NAAA: variants seen among roughly 807,000 people sequenced by gnomAD.
NAAA encodes N-acylethanolamine-hydrolyzing acid amidase.
In NAAA, 39 loss-of-function variants were observed where a neutral mutation model predicts 44.8. That is an observed-to-expected ratio of 0.87 (90% CI 0.67 to 1.14). The LOEUF (loss-of-function observed/expected upper bound fraction) is 1.14, where lower values mean the gene tolerates loss of function less well. Ranked by LOEUF, NAAA falls within the 50% of genes most tolerant of loss-of-function variation. The pLI is 0.00. For synonymous variants in NAAA, 178 were observed against 191.3 expected, an observed-to-expected ratio of 0.93 and a Z score of 0.58; for missense variants, 460 against 467.8, an observed-to-expected ratio of 0.98 and a Z score of 0.15.
At chr4:75,928,146 A>G (rs1235554594) in intron 4 of NAAA, among the ~76,000 whole-genome samples, 1 of 152,170 alleles carries the variant, frequency 6.6e-6, no homozygotes, top group Non-Finnish European at 1.5e-5. Flanking sequence ...CTTTTTCCTC[A>G]GTGCATAGCA....
Position 75,940,766 on chromosome 4 carries a change from C to G in NAAA, c.184G>C (p.Ala62Pro), listed in dbSNP as rs1427732165. 3 of 1,597,704 alleles carry G rather than the reference C, an allele frequency of 1.9e-6. No individual in the cohort carries two copies. Among genetic ancestry groups the G allele is most frequent in the Middle Eastern group, 3.3e-4 (2 of 6,034 alleles). ...LRHYDLDLVR[A>P]AMAQVIGDRV... ...CACCCGATGACTTGCGCCATCGCGG[C>G]GCGCACCAAGTCCAAGTCGTAGTGC... The change falls in exon 1 of 11, where the codon GCC (alanine) becomes CCC (proline). Residue 62 changes from alanine to proline, a missense_variant. Physicochemically the swap from Ala to Pro is conservative, Grantham distance 27. Transcript: ENST00000286733.
intron 7 of NAAA, among the ~76,000 whole-genome samples, 188 bp downstream of exon 7, chr4:75,920,550 G>T (rs916775613): frequency 1.3e-5 from 2 of 152,114 alleles, no homozygotes; most frequent in East Asian, 3.9e-4. Flanking sequence ...CCCAGCTGCT[G>T]AGAGGCTCTG....
At chr4:75,929,040 C>A (rs1442904381) in intron 4 of NAAA, among the ~76,000 whole-genome samples, 1 of 152,060 alleles carries the variant, frequency 6.6e-6, no homozygotes. Flanking sequence ...GATCCACCCG[C>A]CTCGGCCTCC....
intron 4 of NAAA, 63 bp downstream of exon 4, chr4:75,931,151 A>T: frequency 7.6e-7 from 1 of 1,321,804 alleles, no homozygotes; most frequent in Non-Finnish European, 1.1e-6. Context: ...TGAGTGAAGG[A>T]AGTGCTTGGA....
chr4:75,931,276 C>T lies in NAAA; in HGVS notation c.527G>A (p.Gly176Asp). ...CTGGCCAGTCCATAATCCTACATAG[C>T]CAATAAAAGTAGTTCCTGTGAATGC... ...QIAFTGTTFI[G>D]YVGLWTGQSP... Residue 176 changes from glycine to aspartate, a missense_variant, in exon 4 of 11, where the codon GGC becomes GAC. Coordinates refer to ENST00000286733, the MANE Select transcript of NAAA (RefSeq NM_014435.4). 1.2e-6 allele frequency: 2 copies of T among 1,611,448 alleles called. No individual in the cohort carries two copies. The highest frequency in any genetic ancestry group is 1.7e-5 in the Admixed American group (1 of 59,972).
At chr4:75,937,346 G>A (rs1172541120) in intron 2 of NAAA, among the ~76,000 whole-genome samples, 1 of 152,214 alleles carries the variant, frequency 6.6e-6, no homozygotes, top group Non-Finnish European at 1.5e-5. Flanking sequence ...TTGAACCAGG[G>A]AGGCGGAGGT....
intron 9 of NAAA, 142 bp downstream of exon 9, chr4:75,918,619 G>T: frequency 1.1e-5 from 8 of 740,306 alleles, no homozygotes; most frequent in Non-Finnish European, 1.4e-5. Context: ...GCTCGCAGCT[G>T]TACCCACAGG....
intron 4 of NAAA, chr4:75,930,556 C>A: frequency 4.0e-6 from 2 of 498,438 alleles, no homozygotes; most frequent in Non-Finnish European, 7.9e-6. Flanking sequence ...ATAACAGCAT[C>A]ATATATCCCC....
downstream of NAAA, chr4:75,913,638 G>C: frequency 2.1e-6 from 2 of 966,056 alleles, no homozygotes; most frequent in Non-Finnish European, 2.5e-6. Flanking sequence ...GGTAAAGAAA[G>C]CAGGGAGAGC....
rs376585993 is a variant in NAAA, at chr4:75,913,718, A to T, written c.*657T>A. ...ATTTCTTTTGACATTTTATTACTTA[A>T]TTATGTGACATTAAGAAATAATTTG... On this transcript the variant is annotated 3_prime_UTR_variant, in exon 11 of 11. Coordinates refer to ENST00000286733, the MANE Select transcript of NAAA (RefSeq NM_014435.4). 9 of 980,960 alleles carry T rather than the reference A, an allele frequency of 9.2e-6. No individual in the cohort carries two copies. In the African/African-American group the frequency reaches 1.2e-4, roughly 13 times the overall value. The allele number at this position is 980,960 out of a possible 1,614,324, so 60.8% of individuals were successfully genotyped here.
downstream of NAAA, among the ~76,000 whole-genome samples, chr4:75,912,554 GAAAAAAAA>G (rs34332139): frequency 8.8e-6 from 1 of 113,134 alleles, no homozygotes; most frequent in Non-Finnish European, 1.8e-5. Context: ...ACTCTGTCTG[GAAAAAAAA>G]AAAAAAAAAG....
intron 9 of NAAA, chr4:75,916,544 A>C (rs188235008): frequency 1.8e-3 from 273 of 152,294 alleles, no homozygotes; most frequent in African/African-American, 6.2e-3. Flanking sequence ...AGCCAAGGGA[A>C]ATAATCTGAA....
At chr4:75,918,269 C>T (rs924149554) in intron 9 of NAAA, among the ~76,000 whole-genome samples, 13 of 152,096 alleles carry the variant, frequency 8.5e-5, no homozygotes, top group Non-Finnish European at 1.5e-4. Context: ...CTGGCTAAAA[C>T]GGTGAAACCC....
At position 75,920,726 on chromosome 4, in the gene NAAA, G is replaced by A. The variant is rs374077324; in HGVS notation, c.902+12C>T. On this transcript the variant is annotated intron_variant, in intron 7 of 10. Coordinates refer to ENST00000286733, the MANE Select transcript of NAAA (RefSeq NM_014435.4). ...GAAAACACTGCAAACCAGAAAGCAC[G>A]TAGCAGCCTACCTCCGGTCATCTTC... 319 of 1,614,192 alleles carry A rather than the reference G, an allele frequency of 2.0e-4. 8 individuals are homozygous for A. The South Asian group carries it at 2.9e-3, about 15-fold the overall frequency.
At chr4:75,923,154 C>T (rs1462294469) in intron 5 of NAAA, among the ~76,000 whole-genome samples, 1 of 152,098 alleles carries the variant, frequency 6.6e-6, no homozygotes, top group Non-Finnish European at 1.5e-5. Context: ...GGGATCCTCC[C>T]GCCTCAGCCT....
intron 3 of NAAA, among the ~76,000 whole-genome samples, chr4:75,931,688 A>G (rs750313529): frequency 1.3e-5 from 2 of 152,230 alleles, no homozygotes; most frequent in Admixed American, 6.5e-5. Flanking sequence ...GGCTGCAGTT[A>G]TTTTGAAACA....
At chr4:75,928,156 A>G (rs1726904553) in intron 4 of NAAA, among the ~76,000 whole-genome samples, 1 of 152,224 alleles carries the variant, frequency 6.6e-6, no homozygotes, top group Non-Finnish European at 1.5e-5. Context: ...AGTGCATAGC[A>G]ACCACCATTC....
intron 4 of NAAA, chr4:75,930,627 A>G (rs1727144710): frequency 2.6e-6 from 1 of 386,900 alleles, no homozygotes; most frequent in Admixed American, 3.5e-5. Flanking sequence ...AAACAACCCA[A>G]TCTCTACAGA....
intron 4 of NAAA, chr4:75,930,550 C>T: frequency 2.0e-6 from 1 of 505,120 alleles, no homozygotes; most frequent in Non-Finnish European, 3.9e-6. Context: ...GCTTGTATAA[C>T]AGCATCATAT....
Sources: gnomAD v4.1 joint callset for allele counts (sites outside exome capture counted in the v4.1 genomes callset) on GRCh38, gnomAD v4.1.1 for gene constraint, MANE v1.5 for transcripts, NCBI Gene and HGNC (gene_info 2026-07-23, HGNC 2026-07-21) for gene names.